The following CLVS2 variants were observed in gnomAD, a reference collection of about 807,000 sequenced individuals.
The protein encoded by CLVS2 is clavesin 2, also known as clavesin-2.
Under a neutral mutation model 29.0 loss-of-function variants are expected in CLVS2, and 19 were observed. The ratio of observed to expected loss-of-function variants is 0.66; its 90% CI spans 0.46 to 0.96. The LOEUF is 0.96. CLVS2 is among the 40% of genes least tolerant of loss of function. The pLI is 0.00. For synonymous variants in CLVS2, 161 were observed against 151.3 expected (o/e 1.06, Z -0.47); for missense variants, 294 against 404.1 (o/e 0.73, Z 2.34).
At chr6:123,022,029 C>T (rs972607741) in intron 3 of CLVS2, among the ~76,000 whole-genome samples, 4 of 152,046 alleles carry the variant, frequency 2.6e-5, no homozygotes, top group Admixed American at 6.6e-5. Context: ...GAGGCAAAAT[C>T]AAACTGAGGA....
chr6:123,053,279 G>C (rs551225707), intron 4 of CLVS2, among the ~76,000 whole-genome samples: 2 of 152,234 alleles, frequency 1.3e-5, no homozygotes, highest in East Asian at 3.9e-4. Flanking sequence ...AGGAGGCGGA[G>C]GTTGCAGTGA....
chr6:123,024,129 C>T (rs1582651206), intron 3 of CLVS2, among the ~76,000 whole-genome samples: 1 of 152,124 alleles, frequency 6.6e-6, no homozygotes, highest in Non-Finnish European at 1.5e-5. Context: ...ATATGAAGAA[C>T]ATATACCATC....
chr6:123,057,173 C>T lies in CLVS2; in HGVS notation c.896+1147C>T, dbSNP rs1050948556. 2.2e-4 allele frequency among the ~76,000 whole-genome samples: 33 copies of T among 152,120 alleles called. No individual in the cohort carries two copies. In the South Asian group the frequency reaches 2.5e-3, roughly 11 times the overall value. ...TTCACATTCACAGAAGTATGGGCAC[C>T]GTAGCCCCTGCAAGTCTCCCCTCAC... On this transcript the variant is annotated intron_variant, in intron 5 of 5. Transcript: ENST00000275162.
chr6:123,055,805 G>T lies in CLVS2; in HGVS notation c.676-1G>T, dbSNP rs780230722. ...TTCCTCCCGTCTTCTTGCATTTATA[G>T]ATATTTTTGCATGGTAACAACCTGA... is the stretch of plus-strand genomic sequence containing the variant. On this transcript the variant is annotated splice_acceptor_variant, in intron 4 of 5. Coordinates refer to ENST00000275162, the MANE Select transcript of CLVS2 (RefSeq NM_001010852.4). LOFTEE classifies it high-confidence loss of function. The T allele has an allele frequency of 1.2e-6, 2 of 1,604,230 alleles. No homozygotes were observed. The highest frequency in any genetic ancestry group is 2.2e-5 in the South Asian group (2 of 90,902).
At chr6:123,013,502 G>A (rs1774781697) in intron 3 of CLVS2, among the ~76,000 whole-genome samples, 1 of 151,872 alleles carries the variant, frequency 6.6e-6, no homozygotes, top group African/African-American at 2.4e-5. Flanking sequence ...AAATAAGAAA[G>A]GCTATCAATC....
At chr6:123,014,116 A>G (rs557186338) in intron 3 of CLVS2, among the ~76,000 whole-genome samples, 1 of 152,298 alleles carries the variant, frequency 6.6e-6, no homozygotes, top group Non-Finnish European at 1.5e-5. Context: ...TTGCCGCTAT[A>G]AACATACGTG....
intron 2 of CLVS2, among the ~76,000 whole-genome samples, chr6:123,002,933 CT>C (rs1358834745): frequency 6.6e-6 from 1 of 152,168 alleles, no homozygotes; most frequent in African/African-American, 2.4e-5. Flanking sequence ...CATGGGACTT[CT>C]CTCCCAGCAG....
chr6:123,062,542 A>T (rs947420177), intron 5 of CLVS2, among the ~76,000 whole-genome samples: 2 of 152,114 alleles, frequency 1.3e-5, no homozygotes, highest in African/African-American at 4.8e-5. Flanking sequence ...AGTGTAAATG[A>T]CACTTAGGAA....
chr6:123,021,293 T>G (rs1470389171), intron 3 of CLVS2, among the ~76,000 whole-genome samples: 1 of 152,020 alleles, frequency 6.6e-6, no homozygotes, highest in Non-Finnish European at 1.5e-5. Context: ...TTCAAACAAG[T>G]TCTTATTACT....
chr6:123,059,543 G>A lies in CLVS2; in HGVS notation c.896+3517G>A, dbSNP rs148255190. On this transcript the variant is annotated intron_variant, in intron 5 of 5. Coordinates refer to ENST00000275162, the MANE Select transcript of CLVS2 (RefSeq NM_001010852.4). ...AAGTGCAGTATTCATAACTGAATAG[G>A]GAACATCTAACCTGGTATTGGCACT... is the stretch of plus-strand genomic sequence containing the variant. Among the ~76,000 whole-genome samples, 80 of 152,232 alleles carry A rather than the reference G, an allele frequency of 5.3e-4. 2 individuals are homozygous for A. The South Asian group carries it at 7.5e-3, about 14-fold the overall frequency.
intron 3 of CLVS2, among the ~76,000 whole-genome samples, chr6:123,014,602 T>G (rs1207010801): frequency 6.6e-6 from 1 of 152,072 alleles, no homozygotes; most frequent in Non-Finnish European, 1.5e-5. Context: ...GTTATTATAT[T>G]AGAAATGATA....
chr6:123,020,563 A>T (rs890189831), intron 3 of CLVS2, among the ~76,000 whole-genome samples: 2 of 152,034 alleles, frequency 1.3e-5, no homozygotes, highest in Non-Finnish European at 2.9e-5. Context: ...TTTCACGATA[A>T]AGTCTTGTTG....
At chr6:123,020,089 GA>G (rs1177655634) in intron 3 of CLVS2, among the ~76,000 whole-genome samples, 1 of 151,916 alleles carries the variant, frequency 6.6e-6, no homozygotes, top group Non-Finnish European at 1.5e-5. Context: ...CACCCTCACA[GA>G]CACCCAGAAT....
intron 2 of CLVS2, among the ~76,000 whole-genome samples, chr6:123,009,371 C>T (rs1774717412): frequency 6.6e-6 from 1 of 152,100 alleles, no homozygotes; most frequent in South Asian, 2.1e-4. Context: ...GGATTCTAAA[C>T]AAGATTCTGT....
chr6:123,043,791 C>T (rs1285350128), intron 3 of CLVS2, among the ~76,000 whole-genome samples: 1 of 152,042 alleles, frequency 6.6e-6, no homozygotes, highest in Non-Finnish European at 1.5e-5. Context: ...GACAATATTA[C>T]TTGTAATAGT....
Position 123,071,498 on chromosome 6 carries a change from G to A in CLVS2, c.*7737G>A, listed in dbSNP as rs1413154140. On this transcript the variant is annotated 3_prime_UTR_variant, in exon 6 of 6. Transcript: ENST00000275162. ...CTTGGAGAGACTACAAGATAGCTCA[G>A]GGGAAAAGTCATTTTGAGATTAAAA... The A allele has an allele frequency of 2.0e-5, 3 of 151,874 alleles. No homozygotes were observed. The highest frequency in any genetic ancestry group is 4.4e-5 in the Non-Finnish European group (3 of 67,906). The allele number at this position is 151,874 out of a possible 1,614,324, so 9.4% of individuals were successfully genotyped here. A position where few individuals can be genotyped will look rare whatever the true frequency, so the allele number is the denominator to read the frequency against.
rs920960045 is a variant in CLVS2, at chr6:123,065,997, T to C, written c.*2236T>C. On this transcript the variant is annotated 3_prime_UTR_variant, in exon 6 of 6. Coordinates refer to ENST00000275162, the MANE Select transcript of CLVS2 (RefSeq NM_001010852.4). Reference sequence around the variant, plus strand: ...CCACATTTGGAAAGTTTGCATTGCATTACTGCTCATCTTTAGATGAGCAAT... The same window carrying C: ...CCACATTTGGAAAGTTTGCATTGCACTACTGCTCATCTTTAGATGAGCAAT... 25 of 151,894 alleles carry C rather than the reference T, an allele frequency of 1.6e-4. No homozygotes were observed. Among genetic ancestry groups the C allele is most frequent in the African/African-American group, 5.8e-4 (24 of 41,546 alleles). 9.4% of individuals were successfully genotyped at this position (151,894 alleles called of 1,614,324 possible).
At chr6:123,026,831 C>T (rs1169140322) in intron 3 of CLVS2, among the ~76,000 whole-genome samples, 1 of 151,992 alleles carries the variant, frequency 6.6e-6, no homozygotes, top group Non-Finnish European at 1.5e-5. Flanking sequence ...ATAAGATAGC[C>T]ATGAATGAAG....
At chr6:123,057,345 T>C (rs1315260679) in intron 5 of CLVS2, among the ~76,000 whole-genome samples, 2 of 10,252 alleles carry the variant, frequency 2.0e-4, no homozygotes, top group Non-Finnish European at 3.7e-4. Flanking sequence ...TTTTTTTTTT[T>C]TTTTTTTTTT....
Sources: allele counts gnomAD v4.1 joint callset (sites outside exome capture counted in the v4.1 genomes callset), GRCh38; gene constraint gnomAD v4.1.1; transcripts MANE v1.5; gene names NCBI Gene and HGNC (gene_info 2026-07-23, HGNC 2026-07-21).